MSANTD4: variants seen among roughly 807,000 people sequenced by gnomAD.
MSANTD4 encodes myb/SANT-like DNA-binding domain-containing protein 4.
Under a neutral mutation model 34.3 loss-of-function variants are expected in MSANTD4, and 13 were observed. That is an observed-to-expected ratio of 0.38 (90% CI 0.25 to 0.60). The LOEUF is 0.60. MSANTD4 is among the 20% of genes least tolerant of loss of function. The pLI is 0.63. For synonymous variants in MSANTD4, 137 were observed against 145.2 expected (o/e 0.94, Z 0.41); for missense variants, 358 against 401.8 (o/e 0.89, Z 0.93).
At chr11:106,013,005 G>C (rs1010893831) in intron 1 of MSANTD4, among the ~76,000 whole-genome samples, 1 of 152,122 alleles carries the variant, frequency 6.6e-6, no homozygotes, top group African/African-American at 2.4e-5. Flanking sequence ...CAGAAAATGA[G>C]GTCATCTACC....
chr11:106,020,082 TTTC>T (rs1486107945), intron 1 of MSANTD4, among the ~76,000 whole-genome samples: 7 of 152,236 alleles, frequency 4.6e-5, no homozygotes, highest in African/African-American at 1.7e-4. Context: ...TTAACAAATA[TTTC>T]TTCACTGGAT....
At chr11:106,013,038 C>G (rs960043148) in intron 1 of MSANTD4, among the ~76,000 whole-genome samples, 1 of 152,088 alleles carries the variant, frequency 6.6e-6, no homozygotes, top group African/African-American at 2.4e-5. Flanking sequence ...GTGTCTCACA[C>G]AGTATAGTAC....
At position 106,009,670 on chromosome 11, in the gene MSANTD4, C is replaced by T. The variant is rs1859625799; in HGVS notation, c.903G>A (p.Glu301=). The change falls in exon 3 of 3, where the codon GAG becomes GAA. Residue 301 remains glutamate (E), a synonymous_variant. Transcript: ENST00000301919. The part of the protein sequence containing the change: ...QDIETEKLKL[E]RERLQLEKDR... Reference sequence around the variant, plus strand: ...CCTTTTCCAGTTGCAAGCGTTCTCGCTCAAGTTTTAACTTCTCTGTTTCTA... The same window carrying T: ...CCTTTTCCAGTTGCAAGCGTTCTCGTTCAAGTTTTAACTTCTCTGTTTCTA... 6.2e-7 allele frequency: 1 copy of T among 1,614,082 alleles called. No homozygotes were observed. Among genetic ancestry groups the T allele is most frequent in the African/African-American group, 1.3e-5 (1 of 74,922 alleles).
rs1365902759 is a variant in MSANTD4, at chr11:106,008,146, A to G, written c.*1389T>C. On this transcript the variant is annotated 3_prime_UTR_variant, in exon 3 of 3. Transcript: ENST00000301919. Reference sequence around the variant, plus strand: ...TCAACCTTGAAAATCAGAAAACACAAAGTGATCTAGTGCAGTGATTCTCAA... The same window carrying G: ...TCAACCTTGAAAATCAGAAAACACAGAGTGATCTAGTGCAGTGATTCTCAA... The G allele has an allele frequency of 6.6e-6, 1 of 152,572 alleles. No individual in the cohort carries two copies. Among genetic ancestry groups the G allele is most frequent in the Non-Finnish European group, 1.5e-5 (1 of 68,022 alleles). The allele number at this position is 152,572 out of a possible 1,614,324, so 9.5% of individuals were successfully genotyped here. A position where few individuals can be genotyped will look rare whatever the true frequency, so the allele number is the denominator to read the frequency against.
chr11:106,010,293 G>A (rs1346268603), intron 2 of MSANTD4, among the ~76,000 whole-genome samples, 163 bp downstream of exon 2: 1 of 152,048 alleles, frequency 6.6e-6, no homozygotes, highest in African/African-American at 2.4e-5. Context: ...ATATTTAGGT[G>A]GGAAGAAAAG....
At chr11:106,017,641 G>A (rs1314704956) in intron 1 of MSANTD4, among the ~76,000 whole-genome samples, 1 of 152,034 alleles carries the variant, frequency 6.6e-6, no homozygotes, top group Non-Finnish European at 1.5e-5. Context: ...ATAATAGTAT[G>A]TAAATATTTA....
chr11:106,014,663 T>A (rs1411789849), intron 1 of MSANTD4, among the ~76,000 whole-genome samples: 1 of 152,232 alleles, frequency 6.6e-6, no homozygotes, highest in South Asian at 2.1e-4. Context: ...TAACAAAGCA[T>A]TTCTTATCAC....
In MSANTD4 at chr11:106,010,636, T is replaced by C. The variant is rs759715345; in HGVS notation, c.282A>G (p.Ser94=). The C allele has an allele frequency of 6.2e-7, 1 of 1,614,210 alleles. No individual in the cohort carries two copies. Among genetic ancestry groups the C allele is most frequent in the Non-Finnish European group, 8.5e-7 (1 of 1,180,032 alleles). The change falls in exon 2 of 3, where the codon TCA becomes TCG. Residue 94 remains serine (S), a synonymous_variant. Transcript: ENST00000301919. ...AATCAGAGGAGGGAAGGGGAAATCC[T>C]GAACCAACCAGCTTAATGTTGGCCT... ...RMKANIKLVG[S]GFPLPSSDLD... is the part of the protein sequence containing the mutation.
chr11:106,021,316 T>C lies in MSANTD4; in HGVS notation c.-505A>G, dbSNP rs891312325. ...TTCTAAAATCCCATTTCACAATCGT[T>C]CTTCACTAGTTGGAAACAGGAATGA... On this transcript the variant is annotated 5_prime_UTR_variant, in exon 1 of 3. Transcript: ENST00000301919. The C allele has an allele frequency of 6.6e-6, 1 of 152,228 alleles. No homozygotes were observed. The highest frequency in any genetic ancestry group is 2.4e-5 in the African/African-American group (1 of 41,460). The allele number at this position is 152,228 out of a possible 1,614,324, so 9.4% of individuals were successfully genotyped here.
chr11:106,015,774 T>C (rs1859827103), intron 1 of MSANTD4, among the ~76,000 whole-genome samples: 2 of 152,158 alleles, frequency 1.3e-5, no homozygotes, highest in Non-Finnish European at 2.9e-5. Flanking sequence ...TATTTTTGTG[T>C]AAATCAAATA....
intron 1 of MSANTD4, among the ~76,000 whole-genome samples, chr11:106,012,877 C>G (rs1249272203): frequency 1.3e-5 from 2 of 152,168 alleles, no homozygotes; most frequent in African/African-American, 4.8e-5. Context: ...ACAATCCTCA[C>G]TGCAATGGAT....
chr11:106,009,564 G>A lies in MSANTD4; in HGVS notation c.1009C>T (p.Arg337Ter). 1.9e-6 allele frequency: 3 copies of A among 1,604,062 alleles called. No homozygotes were observed. Among genetic ancestry groups the A allele is most frequent in the Middle Eastern group, 1.7e-4 (1 of 6,002 alleles). Residue 337 changes from arginine (R) to a stop codon, truncating the protein, a stop_gained, in exon 3 of 3, where the codon CGA (arginine) becomes TGA (stop). Transcript: ENST00000301919. LOFTEE classifies it high-confidence loss of function. ...ERLQVEKDRL[R>*]IQKEGHLQ ...TGCAAGTGTCCTTCTTTCTGAATTC[G>A]AAGTCTGTCTTTCTCTACCTGTAAG... is the stretch of plus-strand genomic sequence containing the variant.
intron 1 of MSANTD4, among the ~76,000 whole-genome samples, chr11:106,013,139 G>C (rs1859744678): frequency 6.6e-6 from 1 of 152,156 alleles, no homozygotes; most frequent in South Asian, 2.1e-4. Flanking sequence ...ACTTGGAAAA[G>C]AGATTTTAAA....
At chr11:106,016,840 A>T (rs1859865478) in intron 1 of MSANTD4, among the ~76,000 whole-genome samples, 1 of 152,214 alleles carries the variant, frequency 6.6e-6, no homozygotes, top group African/African-American at 2.4e-5. Flanking sequence ...ATATTGACCA[A>T]CCATAAATAG....
rs764298177 is a variant in MSANTD4, at chr11:106,010,955, A to T, written c.-38T>A. The stretch of plus-strand genomic sequence containing the variant: ...TGCAGTTTTTATGGTAAGAGATGTG[A>T]AAACAATTTGAGGAATGCTGCAAAG... On this transcript the variant is annotated 5_prime_UTR_variant, in exon 2 of 3. Coordinates refer to ENST00000301919, the MANE Select transcript of MSANTD4 (RefSeq NM_032424.3). The T allele has an allele frequency of 2.0e-6, 3 of 1,537,486 alleles. No individual in the cohort carries two copies. The Admixed American group carries it at 6.1e-5, about 31-fold the overall frequency.
In MSANTD4 at chr11:106,016,787, T is replaced by C. The variant is rs1859863241; in HGVS notation, c.-151+4175A>G. Among the ~76,000 whole-genome samples the C allele has an allele frequency of 2.6e-5, 4 of 152,182 alleles. 1 individual carries two copies. The highest frequency in any genetic ancestry group is 2.6e-4 in the Admixed American group (4 of 15,282). ...ACAGTTAACAGGTTATTCAAAATTCTGAAGAAAAATCTTCAGCTAACAGGC... is the reference window on the plus strand; with the variant it reads ...ACAGTTAACAGGTTATTCAAAATTCCGAAGAAAAATCTTCAGCTAACAGGC... On this transcript the variant is annotated intron_variant, in intron 1 of 2. Coordinates refer to ENST00000301919, the MANE Select transcript of MSANTD4 (RefSeq NM_032424.3).
Position 106,021,391 on chromosome 11 carries a change from C to T in MSANTD4, c.-580G>A, listed in dbSNP as rs1304088474. 2.0e-5 allele frequency: 3 copies of T among 152,116 alleles called. No homozygotes were observed. The highest frequency in any genetic ancestry group is 4.4e-5 in the Non-Finnish European group (3 of 68,016). The allele number at this position is 152,116 out of a possible 1,614,324, so 9.4% of individuals were successfully genotyped here. A position where few individuals can be genotyped will look rare whatever the true frequency, so the allele number is the denominator to read the frequency against. On this transcript the variant is annotated 5_prime_UTR_variant, in exon 1 of 3. The change abolishes an upstream ATG in the 5' untranslated region. Coordinates refer to ENST00000301919, the MANE Select transcript of MSANTD4 (RefSeq NM_032424.3). ...TGTGAAGATGATGTACTGCCAATGG[C>T]ATAATATAACCAGGCAACTTTTTAC...
chr11:106,021,004 C>G lies in MSANTD4; in HGVS notation c.-193G>C, dbSNP rs936239242. 1.3e-5 allele frequency: 2 copies of G among 152,178 alleles called. No individual in the cohort carries two copies. The highest frequency in any genetic ancestry group is 4.8e-5 in the African/African-American group (2 of 41,428). 9.4% of individuals were successfully genotyped at this position (152,178 alleles called of 1,614,324 possible). A position where few individuals can be genotyped will look rare whatever the true frequency, so the allele number is the denominator to read the frequency against. The stretch of plus-strand genomic sequence containing the variant: ...CCAGAAATGTTTGTCTTCCTGTCCT[C>G]TCCTTTATATGCCGGTATCCAAGTA... On this transcript the variant is annotated 5_prime_UTR_variant, in exon 1 of 3. Coordinates refer to ENST00000301919, the MANE Select transcript of MSANTD4 (RefSeq NM_032424.3).
chr11:106,011,534 A>G (rs1859692980), intron 1 of MSANTD4, among the ~76,000 whole-genome samples: 1 of 152,172 alleles, frequency 6.6e-6, no homozygotes, highest in Non-Finnish European at 1.5e-5. Flanking sequence ...TTCTCAGGGA[A>G]GCCTTTCCTG....
Sources: gnomAD v4.1 joint callset for allele counts (sites outside exome capture counted in the v4.1 genomes callset) on GRCh38, gnomAD v4.1.1 for gene constraint, MANE v1.5 for transcripts, NCBI Gene and HGNC (gene_info 2026-07-23, HGNC 2026-07-21) for gene names.